Variants in NFKB1 observed in about 807,000 individuals in gnomAD.
NFKB1 encodes the protein nuclear factor NF-kappa-B p105 subunit.
NFKB1 carries 9 observed loss-of-function variants against 105.1 expected under a neutral mutation model. The ratio of observed to expected loss-of-function variants is 0.09; its 90% confidence interval spans 0.05 to 0.15. NFKB1 has a LOEUF of 0.15. NFKB1 is among the 10% of genes least tolerant of loss of function. The probability of loss-of-function intolerance (pLI) is 1.00; values close to 1 mark genes in which losing one functional copy is unlikely to be tolerated. For synonymous variants in NFKB1, 440 were observed against 442.2 expected (o/e 1.00, Z 0.06); for missense variants, 830 against 1,203.7 (o/e 0.69, Z 4.59).
chr4:102,604,351 G>GT (rs1727491747), intron 16 of NFKB1, among the ~76,000 whole-genome samples: 1 of 151,846 alleles, frequency 6.6e-6, no homozygotes, highest in African/African-American at 2.4e-5. Context: ...GGAAGTCCTA[G>GT]TATTTACTGC....
chr4:102,579,941 C>T (rs1333545371), intron 8 of NFKB1, among the ~76,000 whole-genome samples: 3 of 151,058 alleles, frequency 2.0e-5, no homozygotes, highest in East Asian at 3.9e-4. Context: ...AGACTCATAC[C>T]GCAGAATCAC....
chr4:102,613,239 G>A (rs1728596171), intron 22 of NFKB1, among the ~76,000 whole-genome samples, 186 bp from the exon 23 acceptor site: 4 of 152,106 alleles, frequency 2.6e-5, no homozygotes, highest in Admixed American at 2.0e-4. Context: ...TGGTCTTTGA[G>A]CCGAAACAGG....
rs1340025244 is a variant in NFKB1 at position 102,542,114 on chromosome 4, T to TA, written c.258+4159dup. 2.0e-5 allele frequency among the ~76,000 whole-genome samples: 3 copies of TA among 152,204 alleles called. No individual in the cohort carries two copies. The East Asian group carries it at 5.8e-4, about 29-fold the overall frequency. On this transcript the variant is annotated intron_variant, in intron 5 of 23. Transcript: ENST00000226574. ...TACTGATTGTCTAGATTTGATGCCTTACATTAAATCATTTTAAAACCAACT... is the reference window on the plus strand; with the variant it reads ...TACTGATTGTCTAGATTTGATGCCTTAACATTAAATCATTTTAAAACCAACT...
chr4:102,564,477 G>T (rs1350847473), intron 5 of NFKB1, among the ~76,000 whole-genome samples: 1 of 152,144 alleles, frequency 6.6e-6, no homozygotes, highest in African/African-American at 2.4e-5. Context: ...CCTGTCTGTT[G>T]CCCTGTGGTC....
chr4:102,559,634 A>G (rs1723241024), intron 5 of NFKB1, among the ~76,000 whole-genome samples: 1 of 152,066 alleles, frequency 6.6e-6, no homozygotes. Context: ...GTAGTGTAGT[A>G]AAGATGGTAA....
chr4:102,535,131 C>T (rs1332976188), intron 4 of NFKB1, among the ~76,000 whole-genome samples: 1 of 152,136 alleles, frequency 6.6e-6, no homozygotes, highest in Non-Finnish European at 1.5e-5. Context: ...AGTTATTTCT[C>T]AGAGAAGGTC....
At chr4:102,567,779 T>A (rs980950261) in intron 6 of NFKB1, among the ~76,000 whole-genome samples, 9 of 152,210 alleles carry the variant, frequency 5.9e-5, no homozygotes, top group Non-Finnish European at 1.0e-4. Context: ...GTAATTTCAA[T>A]CCAAAAGAAT....
intron 6 of NFKB1, among the ~76,000 whole-genome samples, chr4:102,572,308 G>GA (rs1724440303): frequency 1.5e-5 from 2 of 134,368 alleles, no homozygotes; most frequent in Non-Finnish European, 3.1e-5. Flanking sequence ...CACAGGGTGG[G>GA]GAATATCACA....
chr4:102,532,501 C>T (rs548041173), intron 3 of NFKB1, among the ~76,000 whole-genome samples: 4 of 152,040 alleles, frequency 2.6e-5, no homozygotes, highest in East Asian at 1.9e-4. Flanking sequence ...TGGTGGTAGG[C>T]GCCTGTAATT....
At chr4:102,582,748 T>G in intron 9 of NFKB1, 118 bp from the exon 10 acceptor site, 1 of 576,102 alleles carries the variant, frequency 1.7e-6, no homozygotes, top group Admixed American at 3.2e-5. Context: ...TTTGATCTTG[T>G]TTTTTAAAAG....
chr4:102,599,071 TAAAG>T (rs1412110018), intron 15 of NFKB1, among the ~76,000 whole-genome samples: 7 of 152,188 alleles, frequency 4.6e-5, no homozygotes, highest in Middle Eastern at 3.4e-3. Flanking sequence ...GAAAATATAA[TAAAG>T]AAAAATATAT....
intron 5 of NFKB1, among the ~76,000 whole-genome samples, chr4:102,546,884 A>G (rs950271863): frequency 6.6e-6 from 1 of 152,164 alleles, no homozygotes; most frequent in Admixed American, 6.5e-5. Context: ...ATCAATAACT[A>G]CAAGCCCAAT....
At position 102,612,595 on chromosome 4, in the gene NFKB1, G is replaced by A. The variant is rs1049751488; in HGVS notation, c.2581G>A (p.Asp861Asn). Residue 861 changes from aspartate to asparagine, a missense_variant, in exon 22 of 24, where the codon GAC becomes AAC. Transcript: ENST00000226574. ...LSPAPSKTLM[D>N]NYEVSGGTVR... The stretch of plus-strand genomic sequence containing the variant: ...TCCTGCTCCTTCCAAAACACTTATG[G>A]ACAACTATGAGGTAACACCTTACCT... 5 of 1,613,504 alleles carry A rather than the reference G, an allele frequency of 3.1e-6. No homozygotes were observed. Among genetic ancestry groups the A allele is most frequent in the Non-Finnish European group, 4.2e-6 (5 of 1,179,984 alleles).
intron 5 of NFKB1, among the ~76,000 whole-genome samples, chr4:102,560,532 C>T (rs1162451965): frequency 1.3e-5 from 2 of 151,994 alleles, no homozygotes; most frequent in East Asian, 3.9e-4. Context: ...GAAAGAATGT[C>T]AGTGAATCAA....
intron 5 of NFKB1, among the ~76,000 whole-genome samples, chr4:102,540,991 C>T (rs1741963664): frequency 6.6e-6 from 1 of 152,080 alleles, no homozygotes; most frequent in South Asian, 2.1e-4. Flanking sequence ...AGCACCTGCT[C>T]GGCGAGAGAC....
chr4:102,598,198 A>G (rs2149209496), intron 15 of NFKB1, among the ~76,000 whole-genome samples: 1 of 152,292 alleles, frequency 6.6e-6, no homozygotes, highest in East Asian at 1.9e-4. Context: ...TCCAGCCCAT[A>G]TGTGGGAGTG....
intron 1 of NFKB1, among the ~76,000 whole-genome samples, chr4:102,509,464 A>G (rs1739637986): frequency 6.6e-6 from 1 of 152,232 alleles, no homozygotes; most frequent in South Asian, 2.1e-4. Context: ...GTTGAAATAG[A>G]TGACTTTTGG....
rs182150552 is a variant in NFKB1, at chr4:102,558,533, T to C, written c.259-8454T>C. On this transcript the variant is annotated intron_variant, in intron 5 of 23. Coordinates refer to ENST00000226574, the MANE Select transcript of NFKB1 (RefSeq NM_003998.4). ...AGTAATTGCCTTCCATAAATAACATTTTATCCTGTCTTAATTATGCATTCA... is the reference window on the plus strand; with the variant it reads ...AGTAATTGCCTTCCATAAATAACATCTTATCCTGTCTTAATTATGCATTCA... Among the ~76,000 whole-genome samples the C allele has an allele frequency of 3.3e-5, 5 of 152,322 alleles. No individual in the cohort carries two copies. The East Asian group carries it at 9.6e-4, about 29-fold the overall frequency.
At chr4:102,516,340 A>G (rs1003194918) in intron 1 of NFKB1, among the ~76,000 whole-genome samples, 2 of 149,234 alleles carry the variant, frequency 1.3e-5, no homozygotes, top group Admixed American at 6.6e-5. Flanking sequence ...ATTTTTTTGA[A>G]TATTTTTTCT....
Sources: allele counts gnomAD v4.1 joint callset (sites outside exome capture counted in the v4.1 genomes callset), GRCh38; gene constraint gnomAD v4.1.1; transcripts MANE v1.5; gene names NCBI Gene and HGNC (gene_info 2026-07-23, HGNC 2026-07-21).